MYRIP: variants seen among roughly 807,000 people sequenced by gnomAD.
MYRIP encodes rab effector MyRIP.
A neutral mutation model predicts 98.0 loss-of-function variants in MYRIP; 49 were observed. The ratio of observed to expected loss-of-function variants is 0.50; its 90% CI spans 0.40 to 0.63. The LOEUF is 0.63. Ranked by LOEUF, MYRIP falls within the 30% of genes least tolerant of loss-of-function variation. MYRIP has a pLI of 0.00. For synonymous variants in MYRIP, 404 were observed against 409.5 expected, an observed-to-expected ratio of 0.99 and a Z score of 0.16; for missense variants, 1,004 against 1,058.2, an observed-to-expected ratio of 0.95 and a Z score of 0.71.
chr3:39,987,585 T>C (rs1946063145), intron 2 of MYRIP, among the ~76,000 whole-genome samples: 1 of 152,192 alleles, frequency 6.6e-6, no homozygotes, highest in Admixed American at 6.5e-5. Flanking sequence ...TGCCACACTA[T>C]CTTTGGCAAT....
intron 1 of MYRIP, among the ~76,000 whole-genome samples, chr3:39,816,307 C>T (rs369533539): frequency 8.4e-4 from 128 of 152,306 alleles, no homozygotes; most frequent in African/African-American, 2.7e-3. Flanking sequence ...TGGTCTCGAT[C>T]TCCTGACCTC....
At chr3:40,187,918 T>G (rs1177142915) in intron 9 of MYRIP, among the ~76,000 whole-genome samples, 3 of 152,162 alleles carry the variant, frequency 2.0e-5, no homozygotes, top group African/African-American at 2.4e-5. Flanking sequence ...AGGGCTTTAC[T>G]ACATGGAAGT....
intron 4 of MYRIP, among the ~76,000 whole-genome samples, chr3:40,155,836 GTTGT>G (rs754468680): frequency 5.0e-4 from 76 of 152,074 alleles, no homozygotes; most frequent in Non-Finnish European, 1.0e-3. Flanking sequence ...TTTTGATGGG[GTTGT>G]TTGTTTTTTT....
At chr3:40,113,615 G>A (rs979724339) in intron 3 of MYRIP, among the ~76,000 whole-genome samples, 4 of 152,164 alleles carry the variant, frequency 2.6e-5, no homozygotes, top group Admixed American at 6.6e-5. Flanking sequence ...ATTCTAGATG[G>A]CCCAAAGATT....
At chr3:40,025,726 T>A (rs1947111954) in intron 2 of MYRIP, among the ~76,000 whole-genome samples, 1 of 152,200 alleles carries the variant, frequency 6.6e-6, no homozygotes, top group East Asian at 1.9e-4. Flanking sequence ...AGGTCCACGA[T>A]GCCTACCTGA....
chr3:40,144,280 C>T (rs549655086), intron 3 of MYRIP, among the ~76,000 whole-genome samples: 10 of 152,262 alleles, frequency 6.6e-5, no homozygotes, highest in Non-Finnish European at 1.0e-4. Flanking sequence ...TGCCATGGAG[C>T]CAGCCCTGCA....
intron 3 of MYRIP, among the ~76,000 whole-genome samples, chr3:40,078,326 G>A (rs1436087324): frequency 6.6e-6 from 1 of 152,202 alleles, no homozygotes; most frequent in African/African-American, 2.4e-5. Flanking sequence ...ACCTCCCTGC[G>A]AGCCGGCTCT....
intron 2 of MYRIP, among the ~76,000 whole-genome samples, chr3:39,934,124 ATGT>A (rs768427636): frequency 4.9e-4 from 74 of 152,288 alleles, no homozygotes; most frequent in Middle Eastern, 3.4e-3. Flanking sequence ...GCACTGGATA[ATGT>A]TGTGGTATGA....
chr3:39,872,994 C>T (rs1322332557), intron 1 of MYRIP, among the ~76,000 whole-genome samples: 7 of 152,208 alleles, frequency 4.6e-5, no homozygotes, highest in African/African-American at 1.7e-4. Flanking sequence ...TCCTCTCCAG[C>T]ACCTGTTGTT....
chr3:40,212,192 ATACATATATATACGTGTGTG>A (rs1951966538), intron 11 of MYRIP, among the ~76,000 whole-genome samples: 1 of 58,420 alleles, frequency 1.7e-5, no homozygotes, highest in Non-Finnish European at 4.4e-5. Flanking sequence ...GTATGTGTAT[ATACATATATATACGTGTGTG>A]TATATATATA....
At chr3:40,203,070 C>A (rs1951614941) in intron 10 of MYRIP, among the ~76,000 whole-genome samples, 1 of 151,954 alleles carries the variant, frequency 6.6e-6, no homozygotes, top group Admixed American at 6.6e-5. Context: ...GCTGGGATTA[C>A]AGGTGCATAC....
chr3:40,035,803 T>C (rs1450262465), intron 2 of MYRIP, among the ~76,000 whole-genome samples: 2 of 151,790 alleles, frequency 1.3e-5, no homozygotes, highest in Admixed American at 6.6e-5. Context: ...AAGAAATGAA[T>C]GGCACATGAG....
intron 2 of MYRIP, among the ~76,000 whole-genome samples, chr3:39,949,660 C>T (rs1391286104): frequency 1.3e-5 from 2 of 152,014 alleles, no homozygotes; most frequent in Non-Finnish European, 2.9e-5. Flanking sequence ...AAGCAGAATC[C>T]ACCTCCTTTT....
At chr3:39,849,706 A>AACTC (rs1168196095) in intron 1 of MYRIP, among the ~76,000 whole-genome samples, 2 of 152,200 alleles carry the variant, frequency 1.3e-5, no homozygotes, top group African/African-American at 4.8e-5. Flanking sequence ...GGTTTTCTAC[A>AACTC]ACTCAGTGTC....
chr3:39,957,017 T>G (rs1945183648), intron 2 of MYRIP, among the ~76,000 whole-genome samples: 1 of 151,864 alleles, frequency 6.6e-6, no homozygotes, highest in Non-Finnish European at 1.5e-5. Flanking sequence ...TAACAGGCTC[T>G]GTAATTCAGG....
intron 3 of MYRIP, among the ~76,000 whole-genome samples, chr3:40,052,171 C>T (rs545458706): frequency 3.7e-4 from 56 of 152,014 alleles, no homozygotes; most frequent in Non-Finnish European, 6.9e-4. Context: ...TAACCAACTT[C>T]TCTTCATCCC....
intron 1 of MYRIP, among the ~76,000 whole-genome samples, chr3:39,877,648 A>G (rs957838534): frequency 8.5e-5 from 13 of 152,226 alleles, no homozygotes; most frequent in Non-Finnish European, 5.9e-5. Context: ...CGGTGGCTGC[A>G]GAACAGCGGA....
chr3:39,997,460 T>C (rs1946393452), intron 2 of MYRIP, among the ~76,000 whole-genome samples: 2 of 152,068 alleles, frequency 1.3e-5, no homozygotes, highest in Admixed American at 1.3e-4. Flanking sequence ...CCTCGACACA[T>C]ACACCCTCCC....
chr3:40,160,718 C>T (rs57198307), intron 4 of MYRIP, among the ~76,000 whole-genome samples: 1,707 of 152,292 alleles, frequency 0.011, 29 homozygotes, highest in African/African-American at 0.037. Context: ...TTAAGCCTGT[C>T]GGAAAAGCGC....
Sources: allele counts gnomAD v4.1 joint callset (sites outside exome capture counted in the v4.1 genomes callset), GRCh38; gene constraint gnomAD v4.1.1; transcripts MANE v1.5; gene names NCBI Gene and HGNC (gene_info 2026-07-23, HGNC 2026-07-21).